Variants in VWC2L observed in about 807,000 individuals in gnomAD.
VWC2L encodes the protein von Willebrand factor C domain containing 2 like, also known as von Willebrand factor C domain-containing protein 2-like.
A neutral mutation model predicts 21.6 loss-of-function variants in VWC2L; 10 were observed. That is an observed-to-expected ratio of 0.46 (90% CI 0.29 to 0.78). The LOEUF is 0.78. VWC2L is among the 30% of genes least tolerant of loss of function. The probability of loss-of-function intolerance (pLI) is 0.10; values close to 1 mark genes in which losing one functional copy is unlikely to be tolerated. For missense variants in VWC2L, 209 were observed against 277.1 expected (o/e 0.75, Z 1.74); for synonymous variants, 96 against 94.3 (o/e 1.02, Z -0.10).
chr2:214,469,571 G>A (rs1703274561), intron 3 of VWC2L, among the ~76,000 whole-genome samples: 1 of 151,576 alleles, frequency 6.6e-6, no homozygotes, highest in African/African-American at 2.4e-5. Context: ...CTCCAGCCTG[G>A]GCGACAGAGG....
intron 3 of VWC2L, among the ~76,000 whole-genome samples, chr2:214,480,875 A>AT (rs1688595103): frequency 9.5e-6 from 1 of 105,818 alleles, no homozygotes; most frequent in Non-Finnish European, 2.0e-5. Context: ...AAAAAAAAAA[A>AT]AAAAAAAAAA....
chr2:214,551,303 C>T (rs1316426530), intron 3 of VWC2L, among the ~76,000 whole-genome samples: 1 of 152,080 alleles, frequency 6.6e-6, no homozygotes, highest in Non-Finnish European at 1.5e-5. Context: ...TTTTAAAGGT[C>T]TCAGTCAAAT....
chr2:214,563,314 G>A (rs1690005805), intron 3 of VWC2L, among the ~76,000 whole-genome samples: 2 of 152,046 alleles, frequency 1.3e-5, no homozygotes, highest in Non-Finnish European at 2.9e-5. Flanking sequence ...TTGGGAGGCT[G>A]AGGCAGGTGG....
intron 3 of VWC2L, among the ~76,000 whole-genome samples, chr2:214,451,199 C>G (rs1377934090): frequency 6.6e-6 from 1 of 151,566 alleles, no homozygotes; most frequent in African/African-American, 2.4e-5. Context: ...AACAAGGCCT[C>G]CAGAAATTCT....
chr2:214,433,104 C>G lies in VWC2L; in HGVS notation c.391-3525C>G, dbSNP rs1410659827. Among the ~76,000 whole-genome samples, 4 of 147,148 alleles carry G rather than the reference C, an allele frequency of 2.7e-5. No homozygotes were observed. In the East Asian group the frequency reaches 8.0e-4, roughly 29 times the overall value. ...GTTCTACATTAGTTATTTAAAAACA[C>G]TAAGCTGGAGAAATAACAAATTTAA... On this transcript the variant is annotated intron_variant, in intron 2 of 3. Coordinates refer to ENST00000312504, the MANE Select transcript of VWC2L (RefSeq NM_001080500.4).
chr2:214,463,444 T>C (rs548514245), intron 3 of VWC2L, among the ~76,000 whole-genome samples: 1 of 152,294 alleles, frequency 6.6e-6, no homozygotes, highest in East Asian at 1.9e-4. Flanking sequence ...ATTCTACTTC[T>C]ATTTATTTGT....
intron 3 of VWC2L, among the ~76,000 whole-genome samples, chr2:214,441,008 T>C (rs1231225916): frequency 1.3e-5 from 2 of 152,168 alleles, no homozygotes; most frequent in African/African-American, 4.8e-5. Context: ...CAAAATCCTG[T>C]ACACACATTA....
At chr2:214,568,110 A>G (rs1222943835) in intron 3 of VWC2L, among the ~76,000 whole-genome samples, 1 of 152,204 alleles carries the variant, frequency 6.6e-6, no homozygotes, top group Non-Finnish European at 1.5e-5. Context: ...CTGCCCTTTA[A>G]CAAGTCCCTT....
chr2:214,431,918 T>C (rs931815290), intron 2 of VWC2L, among the ~76,000 whole-genome samples: 3 of 152,182 alleles, frequency 2.0e-5, no homozygotes, highest in Non-Finnish European at 2.9e-5. Flanking sequence ...TGCTTGAAGA[T>C]TGACTTACCT....
intron 2 of VWC2L, among the ~76,000 whole-genome samples, chr2:214,431,147 C>T (rs1377978100): frequency 6.6e-6 from 1 of 152,164 alleles, no homozygotes; most frequent in African/African-American, 2.4e-5. Context: ...ATGCTAAATA[C>T]TTTTGCACTT....
intron 3 of VWC2L, among the ~76,000 whole-genome samples, chr2:214,437,374 T>C (rs566345510): frequency 4.2e-4 from 64 of 152,174 alleles, no homozygotes; most frequent in African/African-American, 1.5e-3. Context: ...TTGTCCCTCA[T>C]GGAATGGAGA....
intron 3 of VWC2L, among the ~76,000 whole-genome samples, chr2:214,505,320 A>T (rs1469468712): frequency 6.6e-6 from 1 of 152,184 alleles, no homozygotes; most frequent in African/African-American, 2.4e-5. Context: ...CAAAACAAAC[A>T]GTGGTACATA....
intron 3 of VWC2L, among the ~76,000 whole-genome samples, chr2:214,535,243 C>T (rs1326659181): frequency 6.6e-6 from 1 of 152,112 alleles, no homozygotes; most frequent in East Asian, 1.9e-4. Context: ...AATGTTTTCT[C>T]AAAGCATCTT....
At chr2:214,542,991 T>G (rs150149435) in intron 3 of VWC2L, among the ~76,000 whole-genome samples, 6 of 152,194 alleles carry the variant, frequency 3.9e-5, no homozygotes, top group Admixed American at 3.3e-4. Flanking sequence ...CAGTTTCTGA[T>G]AGTTCTCATG....
chr2:214,430,619 G>A (rs1375581874), intron 2 of VWC2L, among the ~76,000 whole-genome samples: 1 of 151,990 alleles, frequency 6.6e-6, no homozygotes, highest in Non-Finnish European at 1.5e-5. Context: ...GCAAAGCTAT[G>A]TGCACTCCAT....
intron 2 of VWC2L, 130 bp downstream of exon 2, chr2:214,414,713 T>G: frequency 9.7e-7 from 1 of 1,030,336 alleles, no homozygotes; most frequent in Non-Finnish European, 1.4e-6. Flanking sequence ...AATTTGATTC[T>G]AATTACCATA....
intron 3 of VWC2L, among the ~76,000 whole-genome samples, chr2:214,544,275 T>C (rs772662305): frequency 4.6e-5 from 7 of 152,158 alleles, no homozygotes. Context: ...AGAGCCCTGT[T>C]GTAATAGAGG....
chr2:214,490,634 G>A, intron 3 of VWC2L, among the ~76,000 whole-genome samples: 1 of 152,102 alleles, frequency 6.6e-6, no homozygotes, highest in East Asian at 1.9e-4. Flanking sequence ...AGAGTACAAA[G>A]GGAAACAGGC....
intron 3 of VWC2L, among the ~76,000 whole-genome samples, chr2:214,476,501 C>T (rs1405213490): frequency 6.6e-6 from 1 of 152,072 alleles, no homozygotes; most frequent in African/African-American, 2.4e-5. Flanking sequence ...TTAAATCTAA[C>T]TTACCCGGCT....
Sources: gnomAD v4.1 joint callset for allele counts (sites outside exome capture counted in the v4.1 genomes callset) on GRCh38, gnomAD v4.1.1 for gene constraint, MANE v1.5 for transcripts, NCBI Gene and HGNC (gene_info 2026-07-23, HGNC 2026-07-21) for gene names.